HLCS: variants seen among roughly 807,000 people sequenced by gnomAD.
HLCS encodes biotin--protein ligase.
A neutral mutation model predicts 75.0 loss-of-function variants in HLCS; 53 were observed. The observed-to-expected ratio is 0.71, with a 90% CI of 0.57 to 0.89. HLCS has a LOEUF of 0.89. Among genes scored for constraint, HLCS ranks in the 40% least tolerant of loss-of-function variants. The probability of loss-of-function intolerance (pLI) is 0.00; values close to 1 mark genes in which losing one functional copy is unlikely to be tolerated. For synonymous variants in HLCS, 431 were observed against 428.6 expected, an observed-to-expected ratio of 1.01 and a Z score of -0.07; for missense variants, 966 against 1,074.0, an observed-to-expected ratio of 0.90 and a Z score of 1.41.
At chr21:36,761,090 C>A (rs1434596831) in intron 8 of HLCS, among the ~76,000 whole-genome samples, 1 of 152,242 alleles carries the variant, frequency 6.6e-6, no homozygotes, top group African/African-American at 2.4e-5. Context: ...GGCATGGCAC[C>A]AAGCACCTTC....
At chr21:36,930,887 G>A (rs139838049) in intron 4 of HLCS, among the ~76,000 whole-genome samples, 7 of 152,272 alleles carry the variant, frequency 4.6e-5, no homozygotes, top group East Asian at 3.9e-4. Context: ...GAGAGGCCAC[G>A]GTGGAAATGA....
intron 5 of HLCS, among the ~76,000 whole-genome samples, chr21:36,902,416 G>C (rs116318988): frequency 1.6e-3 from 240 of 152,308 alleles, no homozygotes; most frequent in African/African-American, 5.7e-3. Context: ...AGGGATGGGG[G>C]TGGCTCAGGT....
At chr21:36,984,277 G>GT (rs1295400932) in intron 1 of HLCS, among the ~76,000 whole-genome samples, 3 of 152,040 alleles carry the variant, frequency 2.0e-5, no homozygotes, top group South Asian at 2.1e-4. Context: ...TATATATATT[G>GT]TTTTTTCCTA....
intron 6 of HLCS, among the ~76,000 whole-genome samples, chr21:36,774,165 C>T (rs2145807391): frequency 6.6e-6 from 1 of 152,164 alleles, no homozygotes; most frequent in East Asian, 1.9e-4. Context: ...CGACTTCTGA[C>T]AGGTGACTTC....
chr21:36,893,092 T>A (rs1404154741), intron 6 of HLCS, among the ~76,000 whole-genome samples: 3 of 152,022 alleles, frequency 2.0e-5, no homozygotes, highest in Non-Finnish European at 4.4e-5. Context: ...TTTTTTGAGA[T>A]GGGAGTCTTG....
chr21:36,801,762 C>A (rs1221364005), intron 6 of HLCS, among the ~76,000 whole-genome samples: 1 of 151,706 alleles, frequency 6.6e-6, no homozygotes, highest in African/African-American at 2.4e-5. Flanking sequence ...ATAAAAATTG[C>A]AAACAGATTG....
intron 6 of HLCS, among the ~76,000 whole-genome samples, chr21:36,769,591 T>C (rs1361640267): frequency 6.6e-6 from 1 of 152,368 alleles, no homozygotes; most frequent in East Asian, 1.9e-4. Flanking sequence ...AAAAGCTTTC[T>C]GTGAGTGGCA....
intron 6 of HLCS, among the ~76,000 whole-genome samples, chr21:36,861,209 C>T (rs183722268): frequency 2.6e-5 from 4 of 152,170 alleles, no homozygotes; most frequent in Non-Finnish European, 5.9e-5. Flanking sequence ...AAGGCAACCA[C>T]GAGAAAAATT....
intron 6 of HLCS, among the ~76,000 whole-genome samples, chr21:36,797,056 G>A (rs748264882): frequency 8.6e-5 from 13 of 151,878 alleles, no homozygotes; most frequent in East Asian, 1.9e-4. Context: ...TAGTAGAGAC[G>A]GGGTTTTACC....
chr21:36,776,668 C>A (rs771071296), intron 6 of HLCS, among the ~76,000 whole-genome samples: 1 of 152,180 alleles, frequency 6.6e-6, no homozygotes, highest in African/African-American at 2.4e-5. Context: ...CCATCTCAGC[C>A]CCCCAAAGTG....
chr21:36,828,366 GGAATGAAT>G (rs55892136), intron 6 of HLCS, among the ~76,000 whole-genome samples: 11,724 of 151,010 alleles, frequency 0.078, 614 homozygotes, highest in East Asian at 0.19. Flanking sequence ...AGAAGTGTGT[GGAATGAAT>G]GAATGAATGA....
intron 6 of HLCS, among the ~76,000 whole-genome samples, chr21:36,767,961 A>C (rs2073422): frequency 0.41 from 62,114 of 152,006 alleles, 13,242 homozygotes; most frequent in South Asian, 0.52. Context: ...TTACATCCCC[A>C]CCAAATGAGT....
intron 6 of HLCS, among the ~76,000 whole-genome samples, chr21:36,785,241 C>T (rs896426075): frequency 8.5e-5 from 13 of 152,136 alleles, no homozygotes; most frequent in African/African-American, 2.7e-4. Flanking sequence ...CGCCAGAGCT[C>T]GTTTGCCGGG....
intron 6 of HLCS, among the ~76,000 whole-genome samples, chr21:36,861,960 C>T (rs762312509): frequency 2.6e-5 from 4 of 152,194 alleles, no homozygotes; most frequent in Non-Finnish European, 5.9e-5. Flanking sequence ...AACCAATCTC[C>T]TGGCAACCAC....
chr21:36,888,957 C>T (rs1212113995), intron 6 of HLCS, among the ~76,000 whole-genome samples: 1 of 152,140 alleles, frequency 6.6e-6, no homozygotes, highest in East Asian at 1.9e-4. Context: ...TCCTTTCTGC[C>T]CAAAGCCCCA....
chr21:36,888,441 AAAAAATATAT>A lies in HLCS; in HGVS notation c.1892+8409_1892+8418del, dbSNP rs1278830144. On this transcript the variant is annotated intron_variant, in intron 6 of 10. Coordinates refer to ENST00000674895, the MANE Select transcript of HLCS (RefSeq NM_001352514.2). Reference sequence around the variant, plus strand: ...CTGCCCCCTTCCCATTTAAAAAAAAAAAAAATATATATATATATATATATATATATATATA... The same window carrying A: ...CTGCCCCCTTCCCATTTAAAAAAAAAATATATATATATATATATATATATA... Among the ~76,000 whole-genome samples, 67 of 31,500 alleles carry A rather than the reference AAAAAATATAT, an allele frequency of 2.1e-3. 1 individual carries two copies. The highest frequency in any genetic ancestry group is 4.6e-3 in the African/African-American group (44 of 9,630). 20.7% of individuals were successfully genotyped at this position (31,500 alleles called of 152,430 possible).
At chr21:36,801,328 A>T (rs2061194389) in intron 6 of HLCS, among the ~76,000 whole-genome samples, 1 of 152,188 alleles carries the variant, frequency 6.6e-6, no homozygotes, top group African/African-American at 2.4e-5. Flanking sequence ...GATATTTTAG[A>T]AATCAGGTTA....
intron 4 of HLCS, among the ~76,000 whole-genome samples, chr21:36,933,741 A>C (rs2066754335): frequency 6.6e-6 from 1 of 152,170 alleles, no homozygotes; most frequent in South Asian, 2.1e-4. Flanking sequence ...AAATGAAATA[A>C]GTCAAGTTCT....
chr21:36,834,180 T>C (rs541023041), intron 6 of HLCS, among the ~76,000 whole-genome samples: 1 of 152,334 alleles, frequency 6.6e-6, no homozygotes, highest in East Asian at 1.9e-4. Flanking sequence ...AGGATAGCTG[T>C]ATTTATCCCC....
Sources: allele counts gnomAD v4.1 joint callset (sites outside exome capture counted in the v4.1 genomes callset), GRCh38; gene constraint gnomAD v4.1.1; transcripts MANE v1.5; gene names NCBI Gene and HGNC (gene_info 2026-07-23, HGNC 2026-07-21).